Variants in PDE8B observed in about 807,000 individuals in gnomAD.
The protein encoded by PDE8B is phosphodiesterase 8B.
PDE8B carries 26 observed loss-of-function variants against 101.3 expected under a neutral mutation model. The observed-to-expected ratio is 0.26, with a 90% CI of 0.19 to 0.36. The LOEUF is 0.36. Ranked by LOEUF, PDE8B falls within the 10% of genes least tolerant of loss-of-function variation. The pLI, the probability that PDE8B is intolerant of heterozygous loss-of-function variation, is 1.00. For missense variants in PDE8B, 810 were observed against 1,163.1 expected (o/e 0.70, Z 4.42); for synonymous variants, 424 against 429.3 (o/e 0.99, Z 0.15).
the PDE8B span, among the ~76,000 whole-genome samples, chr5:77,108,965 G>T: frequency 6.6e-6 from 1 of 152,190 alleles, no homozygotes; most frequent in East Asian, 1.9e-4. Context: ...GATGGAGTCT[G>T]TGCAGGTCCA....
At chr5:77,384,833 G>A (rs189307043) in intron 10 of PDE8B, among the ~76,000 whole-genome samples, 34 of 152,220 alleles carry the variant, frequency 2.2e-4, no homozygotes, top group African/African-American at 3.9e-4. Flanking sequence ...CAACCTGATC[G>A]TGGTGGATAA....
chr5:77,108,473 C>T, the PDE8B span, among the ~76,000 whole-genome samples: 6 of 152,104 alleles, frequency 3.9e-5, no homozygotes, highest in Non-Finnish European at 7.3e-5. Context: ...CACTTAAGGC[C>T]AGGATTTGAG....
the PDE8B span, among the ~76,000 whole-genome samples, chr5:77,156,299 G>T: frequency 7.9e-5 from 12 of 152,170 alleles, no homozygotes; most frequent in African/African-American, 2.9e-4. Context: ...GTGATTTGTT[G>T]TTGGGAGAAT....
At chr5:77,366,612 C>T (rs1784197592) in intron 10 of PDE8B, among the ~76,000 whole-genome samples, 1 of 152,092 alleles carries the variant, frequency 6.6e-6, no homozygotes, top group Admixed American at 6.6e-5. Context: ...TTGGGGAACT[C>T]ACTGCTGTGG....
At chr5:77,182,757 T>TG in the PDE8B span, among the ~76,000 whole-genome samples, 100 of 92,060 alleles carry the variant, frequency 1.1e-3, no homozygotes, top group African/African-American at 4.2e-3. Context: ...TAAGCACTGC[T>TG]TTTTTTTTTT....
At chr5:77,331,972 A>T (rs1201264703) in intron 5 of PDE8B, among the ~76,000 whole-genome samples, 1 of 152,176 alleles carries the variant, frequency 6.6e-6, no homozygotes, top group African/African-American at 2.4e-5. Flanking sequence ...TACACAAATA[A>T]CACTGAGATT....
At chr5:77,290,888 C>T (rs1767162643) in intron 1 of PDE8B, 1 of 1,602,186 alleles carries the variant, frequency 6.2e-7, no homozygotes, top group Non-Finnish European at 8.6e-7. Context: ...AGATAATAGC[C>T]AAGGTTCTGG....
At chr5:77,246,661 G>A (rs574509379) in intron 1 of PDE8B, 2 of 152,130 alleles carry the variant, frequency 1.3e-5, no homozygotes, top group Admixed American at 6.5e-5. Flanking sequence ...TTGCAGAGTC[G>A]AATAGTTGTG....
intron 13 of PDE8B, among the ~76,000 whole-genome samples, chr5:77,408,596 A>C (rs1793958430): frequency 1.3e-5 from 2 of 152,028 alleles, no homozygotes; most frequent in African/African-American, 4.8e-5. Flanking sequence ...GAAGCGAGAG[A>C]GTGAGAGAGG....
At chr5:77,390,147 A>G (rs1789608669) in intron 10 of PDE8B, among the ~76,000 whole-genome samples, 1 of 152,204 alleles carries the variant, frequency 6.6e-6, no homozygotes, top group African/African-American at 2.4e-5. Context: ...GGATTTTTAA[A>G]TGATTAAGAG....
intron 3 of PDE8B, among the ~76,000 whole-genome samples, chr5:77,326,418 G>C (rs1297208081): frequency 6.6e-6 from 1 of 152,196 alleles, no homozygotes; most frequent in African/African-American, 2.4e-5. Context: ...CAGTTGCATG[G>C]GGAGCTGGAA....
chr5:77,237,403 G>T (rs1053360436), intron 1 of PDE8B, among the ~76,000 whole-genome samples: 1 of 151,642 alleles, frequency 6.6e-6, no homozygotes, highest in Non-Finnish European at 1.5e-5. Context: ...ACATCTCTTT[G>T]TGTAGATTTT....
intron 11 of PDE8B, among the ~76,000 whole-genome samples, chr5:77,404,497 A>G (rs1793006715): frequency 6.6e-6 from 1 of 152,248 alleles, no homozygotes; most frequent in South Asian, 2.1e-4. Flanking sequence ...TTACTATGAT[A>G]TAACATGGCA....
the PDE8B span, among the ~76,000 whole-genome samples, chr5:77,200,668 T>C: frequency 6.6e-6 from 1 of 152,222 alleles, no homozygotes; most frequent in African/African-American, 2.4e-5. Context: ...CCTGAGTAAG[T>C]AGCATTAACA....
chr5:77,197,109 CTTT>C, the PDE8B span, among the ~76,000 whole-genome samples: 402 of 94,660 alleles, frequency 4.2e-3, 3 homozygotes, highest in African/African-American at 0.013. Context: ...TTAAAAAAAA[CTTT>C]TTTTTTTTTT....
At chr5:77,170,683 G>A in the PDE8B span, among the ~76,000 whole-genome samples, 1 of 152,108 alleles carries the variant, frequency 6.6e-6, no homozygotes, top group Non-Finnish European at 1.5e-5. Context: ...TGCATAAGCC[G>A]ATATATATAG....
At chr5:77,377,590 C>A (rs1011405936) in intron 10 of PDE8B, among the ~76,000 whole-genome samples, 1 of 152,064 alleles carries the variant, frequency 6.6e-6, no homozygotes, top group Admixed American at 6.5e-5. Context: ...AAAAAAGATA[C>A]CCAGAAAAAG....
intron 1 of PDE8B, among the ~76,000 whole-genome samples, chr5:77,228,709 G>A (rs1752945883): frequency 6.6e-6 from 1 of 151,870 alleles, no homozygotes; most frequent in Admixed American, 6.6e-5. Flanking sequence ...GAAAGATGAG[G>A]GTCAGATTTT....
intron 1 of PDE8B, among the ~76,000 whole-genome samples, chr5:77,282,750 A>G (rs935980961): frequency 9.9e-5 from 15 of 152,062 alleles, no homozygotes; most frequent in African/African-American, 3.6e-4. Flanking sequence ...CACGCTCAGG[A>G]AAGTGTGAAA....
Sources: allele counts gnomAD v4.1 joint callset (sites outside exome capture counted in the v4.1 genomes callset), GRCh38; gene constraint gnomAD v4.1.1; transcripts MANE v1.5; gene names NCBI Gene and HGNC (gene_info 2026-07-23, HGNC 2026-07-21).